DCBLD2: variants seen among roughly 807,000 people sequenced by gnomAD.
DCBLD2 encodes the protein discoidin, CUB and LCCL domain-containing protein 2.
A neutral mutation model predicts 86.8 loss-of-function variants in DCBLD2; 54 were observed. That is an observed-to-expected ratio of 0.62 (90% CI 0.50 to 0.78). The LOEUF is 0.78. Among genes scored for constraint, DCBLD2 ranks in the 30% least tolerant of loss-of-function variants. DCBLD2 has a pLI of 0.00. For missense variants in DCBLD2, 908 were observed against 954.2 expected, an observed-to-expected ratio of 0.95 and a Z score of 0.64; for synonymous variants, 354 against 341.3, an observed-to-expected ratio of 1.04 and a Z score of -0.41.
At chr3:98,868,670 C>A (rs1469095830) in intron 2 of DCBLD2, among the ~76,000 whole-genome samples, 1 of 152,084 alleles carries the variant, frequency 6.6e-6, no homozygotes, top group Non-Finnish European at 1.5e-5. Flanking sequence ...TATTTATCCA[C>A]AAGGTTAGTC....
At chr3:98,871,777 T>C (rs1039610961) in intron 2 of DCBLD2, among the ~76,000 whole-genome samples, 1 of 152,162 alleles carries the variant, frequency 6.6e-6, no homozygotes, top group African/African-American at 2.4e-5. Flanking sequence ...ATTAGGGTGA[T>C]ACCGGGTTCA....
At chr3:98,898,446 A>T (rs1943788156) in intron 1 of DCBLD2, among the ~76,000 whole-genome samples, 1 of 151,526 alleles carries the variant, frequency 6.6e-6, no homozygotes, top group Non-Finnish European at 1.5e-5. Flanking sequence ...AATCTATCAA[A>T]GAAACCTTTT....
intron 3 of DCBLD2, among the ~76,000 whole-genome samples, chr3:98,836,834 A>C (rs1306895404): frequency 2.2e-5 from 1 of 44,804 alleles, no homozygotes; most frequent in Non-Finnish European, 4.9e-5. Context: ...CGACCCCCCC[A>C]CCTCCCTCCC....
At chr3:98,848,663 A>T (rs1238321828) in intron 3 of DCBLD2, among the ~76,000 whole-genome samples, 1 of 151,976 alleles carries the variant, frequency 6.6e-6, no homozygotes, top group Non-Finnish European at 1.5e-5. Context: ...CCCCCTTTAC[A>T]CCACATTTTC....
At chr3:98,878,121 A>G (rs762993286) in intron 2 of DCBLD2, among the ~76,000 whole-genome samples, 2 of 152,198 alleles carry the variant, frequency 1.3e-5, no homozygotes, top group Non-Finnish European at 2.9e-5. Context: ...TATAAGTTTG[A>G]TGAGTAACAG....
intron 12 of DCBLD2, among the ~76,000 whole-genome samples, chr3:98,809,334 ATCT>A (rs10567934): frequency 0.43 from 65,553 of 151,666 alleles, 14,314 homozygotes; most frequent in African/African-American, 0.45. Context: ...AACCTGCACC[ATCT>A]TCTTTATTCC....
At chr3:98,887,187 C>G (rs903240467) in intron 1 of DCBLD2, among the ~76,000 whole-genome samples, 2 of 12,882 alleles carry the variant, frequency 1.6e-4, no homozygotes, top group Non-Finnish European at 6.7e-4. Context: ...AGTGAGTTTT[C>G]AAGGTTTTTT....
chr3:98,841,934 G>A lies in DCBLD2; in HGVS notation c.571+7527C>T, dbSNP rs982442044. Reference sequence around the variant, plus strand: ...CAAAAAATTAGCCGGGCATGGTGGCGTGTGCCTGTAGTCCCAGCTACTTGG... The same window carrying A: ...CAAAAAATTAGCCGGGCATGGTGGCATGTGCCTGTAGTCCCAGCTACTTGG... On this transcript the variant is annotated intron_variant, in intron 3 of 15. Transcript: ENST00000326840. Among the ~76,000 whole-genome samples the A allele has an allele frequency of 2.5e-4, 38 of 152,048 alleles. 1 individual carries two copies. The highest frequency in any genetic ancestry group is 2.2e-3 in the Admixed American group (34 of 15,268).
chr3:98,800,808 C>A, intron 14 of DCBLD2, 92 bp from the exon 15 acceptor site: 1 of 1,544,248 alleles, frequency 6.5e-7, no homozygotes, highest in African/African-American at 1.4e-5. Flanking sequence ...GCATTTAAGC[C>A]ATTTCTATAA....
rs1184127245 is a variant in DCBLD2, at chr3:98,797,553, TA to T, written c.*1818del. The stretch of plus-strand genomic sequence containing the variant: ...GTGCTTTCCACATCCATATATGTTT[TA>T]ATAAAAGTCTACCATCTATGTCTTT... On this transcript the variant is annotated 3_prime_UTR_variant, in exon 16 of 16. Transcript: ENST00000326840. 1 of 152,478 alleles carries T rather than the reference TA, an allele frequency of 6.6e-6. No homozygotes were observed. The highest frequency in any genetic ancestry group is 2.1e-4 in the South Asian group (1 of 4,834). The allele number at this position is 152,478 out of a possible 1,614,324, so 9.4% of individuals were successfully genotyped here.
chr3:98,896,397 A>G (rs1252077752), intron 1 of DCBLD2, among the ~76,000 whole-genome samples: 2 of 152,244 alleles, frequency 1.3e-5, no homozygotes, highest in Non-Finnish European at 2.9e-5. Flanking sequence ...AATTAAATAC[A>G]ATAACAGCTC....
chr3:98,816,597 T>C (rs1378593858), intron 9 of DCBLD2, among the ~76,000 whole-genome samples: 1 of 152,030 alleles, frequency 6.6e-6, no homozygotes, highest in Non-Finnish European at 1.5e-5. Flanking sequence ...GAAAGAGGCC[T>C]TGAATAAAAG....
Position 98,881,615 on chromosome 3 carries a change from T to C in DCBLD2, c.358A>G (p.Ile120Val), listed in dbSNP as rs1327298673. Residue 120 changes from isoleucine to valine, a missense_variant, in exon 2 of 16, where the codon ATT (isoleucine) becomes GTT (valine). Ile to Val is a conservative substitution (Grantham distance 29, BLOSUM62 3). Around this residue, in one of 3 missense-constraint regions of DCBLD2, gnomAD observed 294 missense variants for 256.0 expected, o/e 1.15. Transcript: ENST00000326840. ...RVRIKFGDFDIEDSDSCHFNY... is the reference protein window; with the variant it reads ...RVRIKFGDFDVEDSDSCHFNY... Reference sequence around the variant, plus strand: ...AAGTGACAAGAATCAGAATCTTCAATGTCAAAGTCACCAAATTTGATGCGA... The same window carrying C: ...AAGTGACAAGAATCAGAATCTTCAACGTCAAAGTCACCAAATTTGATGCGA... 3 of 1,613,826 alleles carry C rather than the reference T, an allele frequency of 1.9e-6. No individual in the cohort carries two copies. In the African/African-American group the frequency reaches 4.0e-5, roughly 22 times the overall value.
At chr3:98,845,018 AT>A (rs1942693468) in intron 3 of DCBLD2, among the ~76,000 whole-genome samples, 1 of 152,206 alleles carries the variant, frequency 6.6e-6, no homozygotes, top group Admixed American at 6.5e-5. Flanking sequence ...TGTTGAGATT[AT>A]GCTACTTTAG....
intron 3 of DCBLD2, among the ~76,000 whole-genome samples, chr3:98,847,979 T>C (rs1323986214): frequency 1.3e-5 from 2 of 152,202 alleles, no homozygotes; most frequent in African/African-American, 2.4e-5. Context: ...GATAATCTTT[T>C]GTTTTTAAAC....
At chr3:98,804,732 T>C (rs916758904) in intron 13 of DCBLD2, among the ~76,000 whole-genome samples, 13 of 152,364 alleles carry the variant, frequency 8.5e-5, no homozygotes, top group Non-Finnish European at 1.5e-5. Flanking sequence ...CCAGAGATTC[T>C]GGTATGTTGT....
At chr3:98,847,679 G>T (rs1942751943) in intron 3 of DCBLD2, among the ~76,000 whole-genome samples, 1 of 152,156 alleles carries the variant, frequency 6.6e-6, no homozygotes, top group South Asian at 2.1e-4. Flanking sequence ...CAACTAGGAG[G>T]TTCTTGAGAA....
intron 3 of DCBLD2, among the ~76,000 whole-genome samples, chr3:98,831,064 T>G (rs971493630): frequency 1.3e-5 from 2 of 151,934 alleles, no homozygotes; most frequent in Non-Finnish European, 2.9e-5. Flanking sequence ...ACAGAAATGC[T>G]AGTAATTTTT....
chr3:98,847,209 C>CA (rs1477419720), intron 3 of DCBLD2, among the ~76,000 whole-genome samples: 8 of 129,956 alleles, frequency 6.2e-5, no homozygotes, highest in African/African-American at 2.2e-4. Context: ...CATGAGCCTA[C>CA]AAACAGTACA....
Sources: allele counts gnomAD v4.1 joint callset (sites outside exome capture counted in the v4.1 genomes callset), GRCh38; gene constraint gnomAD v4.1.1; regional missense constraint gnomAD v4.1.1; transcripts MANE v1.5; gene names NCBI Gene and HGNC (gene_info 2026-07-23, HGNC 2026-07-21).